THNSL1: variants seen among roughly 807,000 people sequenced by gnomAD.
THNSL1 encodes threonine synthase-like 1.
THNSL1 carries 48 observed loss-of-function variants against 50.4 expected under a neutral mutation model. The ratio of observed to expected loss-of-function variants is 0.95; its 90% CI spans 0.76 to 1.21. THNSL1 has a LOEUF of 1.21. THNSL1 is among the 50% of genes most tolerant of loss of function. THNSL1 has a pLI of 0.00. For missense variants in THNSL1, 896 were observed against 871.7 expected (o/e 1.03, Z -0.35); for synonymous variants, 309 against 306.1 (o/e 1.01, Z -0.10).
the THNSL1 span, among the ~76,000 whole-genome samples, chr10:24,978,558 A>C: frequency 1.3e-5 from 2 of 151,644 alleles, no homozygotes; most frequent in Admixed American, 1.3e-4. Flanking sequence ...CATGTATTTA[A>C]AGTCCTTAGA....
At chr10:24,985,740 T>C in the THNSL1 span, among the ~76,000 whole-genome samples, 1 of 152,252 alleles carries the variant, frequency 6.6e-6, no homozygotes, top group African/African-American at 2.4e-5. Flanking sequence ...CAATGAAATT[T>C]TATAAGTCAA....
rs750383024 is a variant in THNSL1 at position 25,024,920 on chromosome 10, T to C, written c.1697T>C (p.Ile566Thr). ...LAQTFSPSID[I>T]LKSSNLERHL... The stretch of plus-strand genomic sequence containing the variant: ...CAAACCTTTTCACCGTCAATAGATA[T>C]TCTCAAATCTTCAAACCTAGAACGA... Residue 566 changes from isoleucine (I) to threonine (T), a missense_variant, in exon 3 of 3, where the codon ATT (isoleucine) becomes ACT (threonine). Coordinates refer to ENST00000376356, the MANE Select transcript of THNSL1 (RefSeq NM_024838.5). 7 of 1,613,770 alleles carry C rather than the reference T, an allele frequency of 4.3e-6. No homozygotes were observed. Among genetic ancestry groups the C allele is most frequent in the Non-Finnish European group, 5.9e-6 (7 of 1,180,018 alleles).
the THNSL1 span, among the ~76,000 whole-genome samples, chr10:24,981,447 C>T: frequency 6.6e-6 from 1 of 152,136 alleles, no homozygotes; most frequent in Admixed American, 6.5e-5. Flanking sequence ...TTGTGGGCCA[C>T]TGAAGAGATT....
chr10:25,002,922 T>TAAA, the THNSL1 span, among the ~76,000 whole-genome samples: 19 of 147,250 alleles, frequency 1.3e-4, no homozygotes, highest in African/African-American at 4.7e-4. Context: ...TCATTTGGGG[T>TAAA]AAAAAAAAAA....
the THNSL1 span, chr10:24,984,263 T>G: frequency 8.0e-7 from 1 of 1,248,252 alleles, no homozygotes. Context: ...TTTGCATTTG[T>G]GGAGCTCAGA....
the THNSL1 span, among the ~76,000 whole-genome samples, chr10:24,960,293 T>C: frequency 6.6e-6 from 1 of 152,208 alleles, no homozygotes; most frequent in African/African-American, 2.4e-5. Flanking sequence ...GGTATGGGCA[T>C]ACTGGGCTCA....
intron 1 of THNSL1, among the ~76,000 whole-genome samples, chr10:25,020,958 T>C (rs1850707424): frequency 6.6e-6 from 1 of 152,200 alleles, no homozygotes; most frequent in Admixed American, 6.5e-5. Context: ...CAGAATATGG[T>C]TTAATAAAAT....
At chr10:24,997,768 G>C in the THNSL1 span, among the ~76,000 whole-genome samples, 3 of 150,180 alleles carry the variant, frequency 2.0e-5, no homozygotes, top group Non-Finnish European at 4.4e-5. Context: ...TTTACAAAAT[G>C]ATAGGCTTCT....
the THNSL1 span, among the ~76,000 whole-genome samples, chr10:24,994,716 T>C: frequency 6.6e-6 from 1 of 152,148 alleles, no homozygotes; most frequent in Admixed American, 6.6e-5. Context: ...TTTGTAAGCT[T>C]TTTTATTTTA....
chr10:25,001,315 CTT>C, the THNSL1 span, among the ~76,000 whole-genome samples: 4 of 151,136 alleles, frequency 2.6e-5, no homozygotes, highest in African/African-American at 9.7e-5. Flanking sequence ...CTGTTTTAAA[CTT>C]TTTTTCTCTT....
chr10:25,013,501 C>T (rs1295535467), upstream of THNSL1, among the ~76,000 whole-genome samples: 1 of 152,194 alleles, frequency 6.6e-6, no homozygotes, highest in Non-Finnish European at 1.5e-5. Flanking sequence ...CTTATGGAAG[C>T]TTAGGCTGAA....
the THNSL1 span, among the ~76,000 whole-genome samples, chr10:24,998,004 A>G: frequency 6.6e-6 from 1 of 152,116 alleles, no homozygotes; most frequent in Non-Finnish European, 1.5e-5. Context: ...GGAAGATACA[A>G]AAGAGACTTC....
the THNSL1 span, chr10:24,981,994 G>A: frequency 2.6e-5 from 4 of 152,158 alleles, no homozygotes; most frequent in East Asian, 5.8e-4. Flanking sequence ...GTTTGGGTAC[G>A]ATCCATTACT....
In THNSL1 at chr10:25,024,193, T is replaced by TAA; in HGVS notation, c.970_971insAA (p.Cys324Ter). Residue 324 changes from cysteine (C) to a stop codon, truncating the protein, a stop_gained and frameshift_variant, in exon 3 of 3, where the codon TGC becomes TAAGC. Coordinates refer to ENST00000376356, the MANE Select transcript of THNSL1 (RefSeq NM_024838.5). LOFTEE classifies it high-confidence loss of function. The part of the protein sequence containing the change: ...IETAYGENFA[C>*]SKIAPVRHLS... ...AACTGCTTATGGGGAAAACTTTGCC[T>TAA]GCTCAAAAATTGCTCCTGTCAGGCA... 1 of 1,614,224 alleles carries TAA rather than the reference T, an allele frequency of 6.2e-7. No individual in the cohort carries two copies. The highest frequency in any genetic ancestry group is 2.2e-5 in the East Asian group (1 of 44,888).
rs762567514 is a variant in THNSL1, at chr10:25,025,420, CAT to C, written c.2198_2199del (p.His733ArgfsTer21). 1.8e-5 allele frequency: 29 copies of C among 1,610,388 alleles called. No homozygotes were observed. In the African/African-American group the frequency reaches 3.6e-4, roughly 20 times the overall value. On this transcript the variant is annotated frameshift_variant, in exon 3 of 3. Transcript: ENST00000376356. LOFTEE classifies it high-confidence loss of function. The stretch of plus-strand genomic sequence containing the variant: ...AGCTGATATGAATGTCTTGAAGAGT[CAT>C]GTGGAACAACTTGTCCAAAATCAAT... ...CAADMNVLKS[H>X]VEQLVQNQFI
the THNSL1 span, among the ~76,000 whole-genome samples, chr10:24,998,520 G>C: frequency 6.6e-6 from 1 of 152,046 alleles, no homozygotes; most frequent in South Asian, 2.1e-4. Context: ...GACTACAGGT[G>C]CATGCCATCA....
At chr10:24,980,630 G>C in the THNSL1 span, among the ~76,000 whole-genome samples, 1 of 152,140 alleles carries the variant, frequency 6.6e-6, no homozygotes, top group African/African-American at 2.4e-5. Context: ...CAATGAGAGA[G>C]CTATGTCAGC....
At chr10:24,999,674 A>G in the THNSL1 span, 1 of 856,202 alleles carries the variant, frequency 1.2e-6, no homozygotes, top group African/African-American at 1.7e-5. Flanking sequence ...GCATAATCAT[A>G]AAACATACTT....
the THNSL1 span, among the ~76,000 whole-genome samples, chr10:25,010,722 A>G: frequency 0.018 from 1,890 of 107,196 alleles, 21 homozygotes; most frequent in East Asian, 0.043. Flanking sequence ...GTGATAGTTT[A>G]CTGAGAATGA....
Sources: gnomAD v4.1 joint callset for allele counts (sites outside exome capture counted in the v4.1 genomes callset) on GRCh38, gnomAD v4.1.1 for gene constraint, MANE v1.5 for transcripts, NCBI Gene and HGNC (gene_info 2026-07-23, HGNC 2026-07-21) for gene names.